The following SAMD8 variants were observed in gnomAD, a reference collection of about 807,000 sequenced individuals.
SAMD8 encodes the protein sphingomyelin synthase-related protein 1.
SAMD8 carries 20 observed loss-of-function variants against 42.0 expected under a neutral mutation model. That is an observed-to-expected ratio of 0.48 (90% CI 0.34 to 0.69). The LOEUF (loss-of-function observed/expected upper bound fraction) is 0.69. SAMD8 is among the 30% of genes least tolerant of loss of function. The pLI, the probability that SAMD8 is intolerant of heterozygous loss-of-function variation, is 0.01. For missense variants in SAMD8, 328 were observed against 511.6 expected, an observed-to-expected ratio of 0.64 and a Z score of 3.46; for synonymous variants, 162 against 173.0, an observed-to-expected ratio of 0.94 and a Z score of 0.50.
At chr10:75,153,803 A>G (rs1941050445) in intron 2 of SAMD8, among the ~76,000 whole-genome samples, 1 of 151,180 alleles carries the variant, frequency 6.6e-6, no homozygotes, top group Non-Finnish European at 1.5e-5. Context: ...TTTGAGATAG[A>G]GTCCAGGCTG....
chr10:75,143,323 C>G (rs1010188893), intron 1 of SAMD8, among the ~76,000 whole-genome samples: 1 of 152,172 alleles, frequency 6.6e-6, no homozygotes, highest in Non-Finnish European at 1.5e-5. Flanking sequence ...AATAAACTAA[C>G]TAACTTAAAT....
upstream of SAMD8, chr10:75,108,133 A>G: frequency 6.2e-7 from 1 of 1,613,588 alleles, no homozygotes; most frequent in Non-Finnish European, 8.5e-7. Flanking sequence ...CCCTGACAGT[A>G]GAGGCCCTTG....
At chr10:75,126,755 C>T (rs1370095796) in intron 1 of SAMD8, among the ~76,000 whole-genome samples, 1 of 151,716 alleles carries the variant, frequency 6.6e-6, no homozygotes, top group Non-Finnish European at 1.5e-5. Flanking sequence ...CTGGCCTTGG[C>T]TTCCCAAAGT....
upstream of SAMD8, chr10:75,109,180 G>C (rs117837485): frequency 1.2e-4 from 190 of 1,542,672 alleles, no homozygotes; most frequent in East Asian, 3.9e-3. Flanking sequence ...CCACCCCTCT[G>C]CCTCTGTGGT....
intron 2 of SAMD8, among the ~76,000 whole-genome samples, chr10:75,160,501 C>A (rs1840534213): frequency 1.3e-5 from 2 of 152,038 alleles, no homozygotes; most frequent in Admixed American, 1.3e-4. Flanking sequence ...CCACCATGCC[C>A]AGCCAAGAAA....
chr10:75,172,025 CA>C (rs750376012), intron 4 of SAMD8, among the ~76,000 whole-genome samples: 11,754 of 103,398 alleles, frequency 0.11, 578 homozygotes, highest in African/African-American at 0.2. Context: ...GACTCCATCT[CA>C]AAAAAAAAAA....
chr10:75,142,656 C>T (rs186561488), intron 1 of SAMD8, among the ~76,000 whole-genome samples: 2 of 151,746 alleles, frequency 1.3e-5, no homozygotes, highest in East Asian at 2.0e-4. Context: ...AGGATGGTCT[C>T]GATCTCTTGA....
chr10:75,142,139 G>A (rs988543275), intron 1 of SAMD8, among the ~76,000 whole-genome samples: 10 of 151,592 alleles, frequency 6.6e-5, no homozygotes, highest in African/African-American at 2.4e-4. Context: ...GTAGAGATGG[G>A]GTTTCACCAT....
intron 2 of SAMD8, among the ~76,000 whole-genome samples, chr10:75,161,136 G>A (rs777453832): frequency 6.6e-6 from 1 of 152,148 alleles, no homozygotes; most frequent in Non-Finnish European, 1.5e-5. Flanking sequence ...CTGTTCTCCA[G>A]AGCAGTTGAA....
At chr10:75,135,617 A>G (rs1849378664) in intron 1 of SAMD8, among the ~76,000 whole-genome samples, 1 of 152,136 alleles carries the variant, frequency 6.6e-6, no homozygotes, top group African/African-American at 2.4e-5. Flanking sequence ...CGAGGTCAGG[A>G]GATCGAGACC....
intron 2 of SAMD8, among the ~76,000 whole-genome samples, chr10:75,155,659 A>G (rs1840395791): frequency 6.6e-6 from 1 of 152,206 alleles, no homozygotes; most frequent in Non-Finnish European, 1.5e-5. Context: ...AATTTACATG[A>G]AGGTACTCCA....
At chr10:75,112,388 G>A (rs1222786779) in intron 1 of SAMD8, among the ~76,000 whole-genome samples, 1 of 152,192 alleles carries the variant, frequency 6.6e-6, no homozygotes, top group Non-Finnish European at 1.5e-5. Context: ...TTGGGCTTTG[G>A]CATTTTTACA....
At chr10:75,151,220 T>C (rs1840280919) in intron 2 of SAMD8, 114 bp downstream of exon 2, 1 of 533,552 alleles carries the variant, frequency 1.9e-6, no homozygotes, top group South Asian at 7.0e-5. Context: ...ATACTTTCCA[T>C]TTGCTTTATC....
At chr10:75,168,427 CAA>C in intron 3 of SAMD8, 112 bp from the exon 4 acceptor site, 3 of 1,514,466 alleles carry the variant, frequency 2.0e-6, no homozygotes, top group Non-Finnish European at 2.6e-6. Context: ...CTGTCCTCTT[CAA>C]AGAGTCTAGT....
intron 1 of SAMD8, among the ~76,000 whole-genome samples, chr10:75,145,989 T>G (rs1157647417): frequency 6.6e-6 from 1 of 152,196 alleles, no homozygotes; most frequent in East Asian, 1.9e-4. Context: ...ATACATGTGC[T>G]GATAGGCATT....
chr10:75,170,038 A>G (rs560877677), intron 4 of SAMD8, among the ~76,000 whole-genome samples: 1 of 152,190 alleles, frequency 6.6e-6, no homozygotes, highest in Non-Finnish European at 1.5e-5. Flanking sequence ...TATTTTGTGG[A>G]TTTGTTTTGG....
chr10:75,127,385 C>A (rs1849169836), intron 1 of SAMD8, among the ~76,000 whole-genome samples: 1 of 152,076 alleles, frequency 6.6e-6, no homozygotes, highest in Non-Finnish European at 1.5e-5. Flanking sequence ...TTGAACAGTT[C>A]TCTGTACTAC....
chr10:75,109,920 T>A (rs1327839478), upstream of SAMD8, among the ~76,000 whole-genome samples: 1 of 152,068 alleles, frequency 6.6e-6, no homozygotes, highest in Non-Finnish European at 1.5e-5. Flanking sequence ...CAGGTTCAAG[T>A]GATTCTCCTG....
chr10:75,108,478 G>A (rs967504325), upstream of SAMD8, among the ~76,000 whole-genome samples: 7 of 152,164 alleles, frequency 4.6e-5, no homozygotes, highest in Non-Finnish European at 8.8e-5. Context: ...AGGACAGGAA[G>A]GAAGGGATTG....
Sources: gnomAD v4.1 joint callset for allele counts (sites outside exome capture counted in the v4.1 genomes callset) on GRCh38, gnomAD v4.1.1 for gene constraint, MANE v1.5 for transcripts, NCBI Gene and HGNC (gene_info 2026-07-23, HGNC 2026-07-21) for gene names.